Variants in OR2Z1 observed in about 807,000 individuals in gnomAD.
OR2Z1 encodes the protein olfactory receptor family 2 subfamily Z member 1, also known as olfactory receptor 2Z1.
For missense variants in OR2Z1, 449 were observed against 401.8 expected, an observed-to-expected ratio of 1.12 and a Z score of -1.00; for synonymous variants, 188 against 160.6, an observed-to-expected ratio of 1.17 and a Z score of -1.29.
intron 2 of OR2Z1, among the ~76,000 whole-genome samples, chr19:8,724,008 G>A (rs1033073167): frequency 3.5e-3 from 407 of 117,744 alleles, no homozygotes; most frequent in African/African-American, 0.016. Context: ...GTGTGTGTGT[G>A]TGTATGTGTG....
In OR2Z1 at chr19:8,731,303, C is replaced by CTTT. The variant is rs2043353220; in HGVS notation, c.275_276insTTT (p.Thr92_Ser93insPhe). The CTTT allele has an allele frequency of 6.2e-7, 1 of 1,614,054 alleles. No homozygotes were observed. Among genetic ancestry groups the CTTT allele is most frequent in the Non-Finnish European group, 8.5e-7 (1 of 1,180,044 alleles). ...GACTTTCTGCGGGGAGAAGGTGCCA[C>CTTT]CTCCTATGGAGGTGGTGCAGCTCAA... is the stretch of plus-strand genomic sequence containing the variant. On this transcript the variant is annotated inframe_insertion, in exon 3 of 3. Transcript: ENST00000641125.
At chr19:8,727,989 T>C (rs1305469757) in intron 2 of OR2Z1, among the ~76,000 whole-genome samples, 3 of 152,188 alleles carry the variant, frequency 2.0e-5, no homozygotes, top group African/African-American at 4.8e-5. Flanking sequence ...TTATAAAACA[T>C]ACGAATAATA....
Position 8,729,676 on chromosome 19 carries a change from C to T in OR2Z1, c.-169-1184C>T, listed in dbSNP as rs184504086. On this transcript the variant is annotated intron_variant, in intron 2 of 2. Coordinates refer to ENST00000641125, the MANE Select transcript of OR2Z1 (RefSeq NM_001004699.3). ...TGCGATCTCGGCTCACTGCAACCTC[C>T]GCCTCCTGGGTTCAAGCGATTCTTC... Among the ~76,000 whole-genome samples, 67 of 152,024 alleles carry T rather than the reference C, an allele frequency of 4.4e-4. No homozygotes were observed. The East Asian group carries it at 9.1e-3, about 21-fold the overall frequency.
intron 2 of OR2Z1, chr19:8,729,044 G>T: frequency 9.3e-7 from 1 of 1,072,894 alleles, no homozygotes. Flanking sequence ...GCTGCCTCCG[G>T]AGTCACAGTG....
Position 8,731,326 on chromosome 19 carries a change from C to T in OR2Z1, c.298C>T (p.Gln100Ter). The T allele has an allele frequency of 6.2e-7, 1 of 1,614,128 alleles. No homozygotes were observed. The highest frequency in any genetic ancestry group is 2.2e-5 in the East Asian group (1 of 44,856). The part of the protein sequence containing the change: ...GATSYGGGAA[Q>*]IFFLTLMGVA... Reference sequence around the variant, plus strand: ...CACCTCCTATGGAGGTGGTGCAGCTCAAATATTCTTCCTCACACTGATGGG... The same window carrying T: ...CACCTCCTATGGAGGTGGTGCAGCTTAAATATTCTTCCTCACACTGATGGG... The change falls in exon 3 of 3, where the codon CAA becomes TAA. Residue 100 changes from glutamine (Q) to a stop codon, truncating the protein, a stop_gained. Transcript: ENST00000641125. LOFTEE classifies it low-confidence loss of function (END_TRUNC).
At chr19:8,726,517 A>G (rs2043328239) in intron 2 of OR2Z1, among the ~76,000 whole-genome samples, 5 of 152,146 alleles carry the variant, frequency 3.3e-5, no homozygotes, top group Admixed American at 3.3e-4. Flanking sequence ...CTTAGCTATT[A>G]CCTACAGGGC....
chr19:8,728,843 C>A, intron 2 of OR2Z1: 1 of 639,598 alleles, frequency 1.6e-6, no homozygotes, highest in Non-Finnish European at 3.0e-6. Flanking sequence ...TGACCTTGGC[C>A]ACATCCATGT....
At chr19:8,726,570 T>A (rs1290180615) in intron 2 of OR2Z1, among the ~76,000 whole-genome samples, 1 of 152,164 alleles carries the variant, frequency 6.6e-6, no homozygotes, top group Non-Finnish European at 1.5e-5. Flanking sequence ...ATCACAAAGG[T>A]CTTGTGCATT....
intron 2 of OR2Z1, chr19:8,728,600 G>A (rs1190836178): frequency 3.0e-5 from 12 of 399,814 alleles, no homozygotes; most frequent in Non-Finnish European, 5.7e-5. Flanking sequence ...TGTGTTACAT[G>A]GATATATTGC....
chr19:8,724,545 G>C (rs1555755976), intron 2 of OR2Z1, among the ~76,000 whole-genome samples: 1 of 152,102 alleles, frequency 6.6e-6, no homozygotes, highest in Non-Finnish European at 1.5e-5. Flanking sequence ...TATTGTTATT[G>C]TCATTGTCAT....
In OR2Z1 at chr19:8,730,720, A is replaced by G. The variant is rs115796827; in HGVS notation, c.-169-140A>G. The stretch of plus-strand genomic sequence containing the variant: ...GGCGTGAGGCACCACGTCCAGCCGA[A>G]CCTCAAATTTTTCACTATAGGGAGC... On this transcript the variant is annotated intron_variant, in intron 2 of 2. Transcript: ENST00000641125. The G allele has an allele frequency of 8.9e-3, 3,300 of 370,850 alleles. 101 individuals carry two copies. Among genetic ancestry groups the G allele is most frequent in the African/African-American group, 0.064 (3,099 of 48,204 alleles). The allele number at this position is 370,850 out of a possible 1,614,324, so 23.0% of individuals were successfully genotyped here.
intron 2 of OR2Z1, among the ~76,000 whole-genome samples, chr19:8,726,808 T>G (rs1190991837): frequency 6.6e-6 from 1 of 152,166 alleles, no homozygotes; most frequent in African/African-American, 2.4e-5. Context: ...TGAGGAATAA[T>G]TCCACAGGCA....
intron 2 of OR2Z1, among the ~76,000 whole-genome samples, chr19:8,723,739 G>C (rs1257369425): frequency 6.6e-6 from 1 of 152,082 alleles, no homozygotes; most frequent in African/African-American, 2.4e-5. Context: ...CTTCCCAAGA[G>C]TGCTCTGCAG....
chr19:8,728,556 T>C (rs2043337143), intron 2 of OR2Z1, among the ~76,000 whole-genome samples: 1 of 152,194 alleles, frequency 6.6e-6, no homozygotes, highest in South Asian at 2.1e-4. Context: ...ATGTTTTTCT[T>C]CTGTTAAATA....
chr19:8,722,148 C>T (rs2043310220), intron 1 of OR2Z1, 106 bp downstream of exon 1: 2 of 151,876 alleles, frequency 1.3e-5, no homozygotes, highest in Admixed American at 6.6e-5. Context: ...ACTGAGCAGG[C>T]TCTGCTGTGG....
chr19:8,726,879 A>T (rs573598658), intron 2 of OR2Z1, among the ~76,000 whole-genome samples: 1 of 152,276 alleles, frequency 6.6e-6, no homozygotes, highest in Admixed American at 6.5e-5. Flanking sequence ...TTAAATGATC[A>T]GTCTTGCTGC....
chr19:8,731,799 C>T lies in OR2Z1; in HGVS notation c.771C>T (p.Phe257=). ...GGCTCTTTTATGGTGCCGCCGTGTT[C>T]ATGTACATGGTGCCTTGCGCCTACC... The part of the protein sequence containing the change: ...VVGLFYGAAV[F]MYMVPCAYHS... The change falls in exon 3 of 3, where the codon TTC becomes TTT. Residue 257 remains phenylalanine (F), a synonymous_variant. Transcript: ENST00000641125. 9.9e-6 allele frequency: 16 copies of T among 1,614,212 alleles called. No individual in the cohort carries two copies. The highest frequency in any genetic ancestry group is 1.3e-5 in the Non-Finnish European group (15 of 1,180,038).
At chr19:8,724,533 G>T (rs1374610397) in intron 2 of OR2Z1, among the ~76,000 whole-genome samples, 1 of 152,044 alleles carries the variant, frequency 6.6e-6, no homozygotes, top group Non-Finnish European at 1.5e-5. Context: ...TAATAGTGTG[G>T]TTATTGTTAT....
At chr19:8,729,112 A>G (rs2043339896) in intron 2 of OR2Z1, 1 of 1,257,822 alleles carries the variant, frequency 8.0e-7, no homozygotes, top group Non-Finnish European at 1.1e-6. Context: ...GGCTGTGGAC[A>G]CCTTTCAACA....
Sources: gnomAD v4.1 joint callset for allele counts (sites outside exome capture counted in the v4.1 genomes callset) on GRCh38, gnomAD v4.1.1 for gene constraint, MANE v1.5 for transcripts, NCBI Gene and HGNC (gene_info 2026-07-23, HGNC 2026-07-21) for gene names.